The following SLIT3 variants were observed in gnomAD, a reference collection of about 807,000 sequenced individuals.
SLIT3 encodes slit guidance ligand 3, also known as slit homolog 3 protein.
In SLIT3, 68 loss-of-function variants were observed where a neutral mutation model predicts 184.0. The observed-to-expected ratio is 0.37, with a 90% CI of 0.30 to 0.45. The LOEUF (loss-of-function observed/expected upper bound fraction) is 0.45, where lower values mean the gene tolerates loss of function less well. Among genes scored for constraint, SLIT3 ranks in the 20% least tolerant of loss-of-function variants. The pLI is 1.00. For missense variants in SLIT3, 1,707 were observed against 2,026.0 expected (o/e 0.84, Z 3.02); for synonymous variants, 831 against 828.6 (o/e 1.00, Z -0.05).
At chr5:168,673,800 C>T (rs1761327289) in intron 32 of SLIT3, among the ~76,000 whole-genome samples, 1 of 152,108 alleles carries the variant, frequency 6.6e-6, no homozygotes, top group African/African-American at 2.4e-5. Flanking sequence ...CCTTCCAGTC[C>T]AAGATTTAGT....
chr5:169,052,187 C>A (rs1387801540), intron 4 of SLIT3, among the ~76,000 whole-genome samples: 2 of 152,144 alleles, frequency 1.3e-5, no homozygotes, highest in Non-Finnish European at 2.9e-5. Context: ...GGCTCCTTCA[C>A]CCACATGGAA....
intron 3 of SLIT3, among the ~76,000 whole-genome samples, chr5:169,241,902 C>T (rs1246367903): frequency 1.3e-5 from 2 of 152,014 alleles, no homozygotes; most frequent in African/African-American, 2.4e-5. Context: ...CCCAGGAAGA[C>T]CCAAGAGAAC....
intron 4 of SLIT3, among the ~76,000 whole-genome samples, chr5:169,127,087 T>C (rs1040344394): frequency 6.6e-6 from 1 of 152,164 alleles, no homozygotes; most frequent in Non-Finnish European, 1.5e-5. Flanking sequence ...AATTTCTTCT[T>C]CCATCCCTAC....
At chr5:168,898,088 C>G (rs954119548) in intron 4 of SLIT3, among the ~76,000 whole-genome samples, 6 of 152,220 alleles carry the variant, frequency 3.9e-5, no homozygotes, top group African/African-American at 1.4e-4. Context: ...TTTTTAAAAG[C>G]TCCATAAAAT....
intron 4 of SLIT3, among the ~76,000 whole-genome samples, chr5:169,062,570 T>A (rs1386594594): frequency 6.6e-6 from 1 of 152,288 alleles, no homozygotes; most frequent in East Asian, 1.9e-4. Context: ...TTTCCACGCC[T>A]GTCCTATCTT....
chr5:168,893,919 G>A (rs925476181), intron 4 of SLIT3, among the ~76,000 whole-genome samples: 21 of 152,272 alleles, frequency 1.4e-4, no homozygotes, highest in African/African-American at 5.1e-4. Context: ...AAATTAAGGG[G>A]ATGGGGAGTG....
intron 4 of SLIT3, among the ~76,000 whole-genome samples, chr5:168,884,438 C>CAT (rs1481321555): frequency 6.7e-6 from 1 of 149,232 alleles, no homozygotes; most frequent in East Asian, 2.0e-4. Context: ...CACACACACA[C>CAT]ACACACAGTG....
At chr5:169,124,404 T>C (rs1761001748) in intron 4 of SLIT3, among the ~76,000 whole-genome samples, 1 of 152,192 alleles carries the variant, frequency 6.6e-6, no homozygotes, top group African/African-American at 2.4e-5. Context: ...GAACAAGACA[T>C]TCCTTTGGGG....
rs1180810033 is a variant in SLIT3 at position 169,128,263 on chromosome 5, C to CATATATATATTTAT, written c.413+65202_413+65215dup. On this transcript the variant is annotated intron_variant, in intron 4 of 35. Transcript: ENST00000519560. ...ACACACACACATTTATATATATATA[C>CATATATATATTTAT]ATATATATATTTATATATATATATA... Among the ~76,000 whole-genome samples the CATATATATATTTAT allele has an allele frequency of 6.1e-5, 9 of 146,874 alleles. No individual in the cohort carries two copies. In the East Asian group the frequency reaches 1.8e-3, roughly 29 times the overall value.
chr5:168,852,200 A>C (rs1018412760), intron 5 of SLIT3, among the ~76,000 whole-genome samples: 84 of 152,252 alleles, frequency 5.5e-4, no homozygotes, highest in Admixed American at 5.4e-3. Context: ...GAGGCGCAGG[A>C]GGGAGGAAGA....
intron 4 of SLIT3, among the ~76,000 whole-genome samples, chr5:169,011,341 C>T (rs971317637): frequency 6.6e-6 from 1 of 152,106 alleles, no homozygotes; most frequent in Non-Finnish European, 1.5e-5. Context: ...GAGAGGTGAC[C>T]ATAGTAAGTC....
intron 4 of SLIT3, among the ~76,000 whole-genome samples, chr5:169,090,510 C>T (rs1759537904): frequency 6.6e-6 from 1 of 152,204 alleles, no homozygotes; most frequent in African/African-American, 2.4e-5. Context: ...TCCAGGAAGC[C>T]TTTCCCACCC....
chr5:169,190,549 T>A lies in SLIT3; in HGVS notation c.413+2930A>T, dbSNP rs1581036486. On this transcript the variant is annotated intron_variant, in intron 4 of 35. Transcript: ENST00000519560. Reference sequence around the variant, plus strand: ...AGGTTCTAATAAATATTATTTCCCTTTTCATTACTATTCAAAGCCTGTTTT... The same window carrying A: ...AGGTTCTAATAAATATTATTTCCCTATTCATTACTATTCAAAGCCTGTTTT... Among the ~76,000 whole-genome samples, 4 of 152,318 alleles carry A rather than the reference T, an allele frequency of 2.6e-5. No homozygotes were observed. The South Asian group carries it at 8.3e-4, about 32-fold the overall frequency.
intron 4 of SLIT3, among the ~76,000 whole-genome samples, chr5:168,886,235 T>C (rs555216815): frequency 6.6e-6 from 1 of 152,310 alleles, no homozygotes; most frequent in East Asian, 1.9e-4. Flanking sequence ...GGACTGTATA[T>C]TGATTTCATA....
chr5:168,755,404 T>TCCTTCCTTCCTTC (rs1491410943), intron 16 of SLIT3, among the ~76,000 whole-genome samples: 1 of 20,056 alleles, frequency 5.0e-5, no homozygotes, highest in East Asian at 1.6e-3. Flanking sequence ...TTTCTTTCTT[T>TCCTTCCTTCCTTC]CTTTCTTTCT....
chr5:169,040,174 C>T (rs1757401132), intron 4 of SLIT3, among the ~76,000 whole-genome samples: 1 of 152,186 alleles, frequency 6.6e-6, no homozygotes, highest in South Asian at 2.1e-4. Context: ...CAGAGTATAT[C>T]AAGGCATGTG....
chr5:168,984,766 T>C (rs1755069172), intron 4 of SLIT3, among the ~76,000 whole-genome samples: 1 of 152,198 alleles, frequency 6.6e-6, no homozygotes, highest in South Asian at 2.1e-4. Flanking sequence ...AGTGTTAAAC[T>C]GTGAGTTACA....
At chr5:168,673,753 G>T (rs1461311776) in intron 32 of SLIT3, among the ~76,000 whole-genome samples, 1 of 152,186 alleles carries the variant, frequency 6.6e-6, no homozygotes, top group Non-Finnish European at 1.5e-5. Context: ...TTCCAGTTCT[G>T]CATTGGACCC....
intron 5 of SLIT3, among the ~76,000 whole-genome samples, chr5:168,862,830 A>G (rs775327151): frequency 2.0e-5 from 3 of 152,042 alleles, no homozygotes; most frequent in Non-Finnish European, 4.4e-5. Context: ...ACCCACCACC[A>G]TGCCTGGCTA....
Sources: gnomAD v4.1 joint callset for allele counts (sites outside exome capture counted in the v4.1 genomes callset) on GRCh38, gnomAD v4.1.1 for gene constraint, MANE v1.5 for transcripts, NCBI Gene and HGNC (gene_info 2026-07-23, HGNC 2026-07-21) for gene names.